NAALADL2: variants seen among roughly 807,000 people sequenced by gnomAD.
The protein encoded by NAALADL2 is N-acetylated alpha-linked acidic dipeptidase like 2.
A neutral mutation model predicts 87.2 loss-of-function variants in NAALADL2; 76 were observed. The ratio of observed to expected loss-of-function variants is 0.87; its 90% CI spans 0.72 to 1.05. NAALADL2 has a LOEUF of 1.05. NAALADL2 is among the 50% of genes least tolerant of loss of function. The pLI, the probability that NAALADL2 is intolerant of heterozygous loss-of-function variation, is 0.00. For missense variants in NAALADL2, 1,089 were observed against 945.8 expected, an observed-to-expected ratio of 1.15 and a Z score of -1.99; for synonymous variants, 354 against 331.0, an observed-to-expected ratio of 1.07 and a Z score of -0.75.
intron 2 of NAALADL2, among the ~76,000 whole-genome samples, chr3:175,221,318 C>G (rs1296604019): frequency 6.6e-6 from 1 of 150,432 alleles, no homozygotes; most frequent in Non-Finnish European, 1.5e-5. Flanking sequence ...TTATTTCTTT[C>G]TAACTTAATT....
chr3:175,549,429 C>T (rs1713969696), intron 9 of NAALADL2, among the ~76,000 whole-genome samples: 1 of 151,928 alleles, frequency 6.6e-6, no homozygotes, highest in East Asian at 1.9e-4. Context: ...TTATTTTGGT[C>T]TATATGAATC....
rs1406167359 is a variant in NAALADL2 at position 175,410,503 on chromosome 3, T to TG, written c.1091-36724dup. ...TACTGATTTATTCCACAGATGTTTA[T>TG]GGAGGACTTACTCATGCCAGGCATT... On this transcript the variant is annotated intron_variant, in intron 5 of 13. Transcript: ENST00000454872. Among the ~76,000 whole-genome samples, 8 of 152,200 alleles carry TG rather than the reference T, an allele frequency of 5.3e-5. No individual in the cohort carries two copies. The East Asian group carries it at 1.5e-3, about 29-fold the overall frequency.
At chr3:175,196,554 G>C (rs993325368) in intron 2 of NAALADL2, among the ~76,000 whole-genome samples, 33 of 151,880 alleles carry the variant, frequency 2.2e-4, no homozygotes, top group Non-Finnish European at 4.3e-4. Flanking sequence ...AAATTCTTCA[G>C]CTTTAGACTA....
chr3:175,660,189 C>T (rs1732060104), intron 11 of NAALADL2, among the ~76,000 whole-genome samples: 1 of 152,118 alleles, frequency 6.6e-6, no homozygotes, highest in South Asian at 2.1e-4. Context: ...AAAGTCCCCA[C>T]CTCTTGATAC....
chr3:175,220,931 C>G (rs1052814398), intron 2 of NAALADL2, among the ~76,000 whole-genome samples: 5 of 152,234 alleles, frequency 3.3e-5, no homozygotes, highest in Non-Finnish European at 7.4e-5. Context: ...CGTGGTGGCT[C>G]AAGCCTGTAA....
chr3:175,137,622 T>C (rs1729312957), intron 2 of NAALADL2, among the ~76,000 whole-genome samples: 1 of 128,722 alleles, frequency 7.8e-6, no homozygotes, highest in Non-Finnish European at 1.7e-5. Flanking sequence ...TTTTTTTTTT[T>C]TGAGACAGAG....
At chr3:174,540,938 A>G (rs1315377987) in intron 1 of NAALADL2, among the ~76,000 whole-genome samples, 1 of 152,106 alleles carries the variant, frequency 6.6e-6, no homozygotes, top group Non-Finnish European at 1.5e-5. Context: ...GCAACTATGT[A>G]CCTTTTGCCA....
chr3:175,278,200 A>G (rs62285947), intron 4 of NAALADL2, among the ~76,000 whole-genome samples: 28,221 of 152,156 alleles, frequency 0.19, 3,276 homozygotes, highest in Non-Finnish European at 0.26. Flanking sequence ...TACATGATAA[A>G]TTCATAAAGG....
intron 10 of NAALADL2, among the ~76,000 whole-genome samples, chr3:175,611,359 T>C (rs1311969612): frequency 1.3e-5 from 2 of 152,194 alleles, no homozygotes; most frequent in Admixed American, 6.5e-5. Context: ...ATTTGTAAAA[T>C]ATTGGTCATA....
chr3:174,477,470 A>G (rs991199608), intron 1 of NAALADL2, among the ~76,000 whole-genome samples: 8 of 152,148 alleles, frequency 5.3e-5, no homozygotes, highest in African/African-American at 1.9e-4. Flanking sequence ...GCCACTTGCT[A>G]TAGGTGTACA....
intron 13 of NAALADL2, among the ~76,000 whole-genome samples, chr3:175,787,282 T>A (rs1305887802): frequency 6.6e-6 from 1 of 151,540 alleles, no homozygotes; most frequent in Admixed American, 6.6e-5. Flanking sequence ...TAATCAAGCC[T>A]GGGCAATGGC....
chr3:174,959,710 G>A (rs1741701007), intron 1 of NAALADL2, among the ~76,000 whole-genome samples: 1 of 152,082 alleles, frequency 6.6e-6, no homozygotes, highest in Admixed American at 6.6e-5. Context: ...CATTGAGAAT[G>A]AAGAGTCTAA....
chr3:175,552,900 A>G (rs941623837), intron 9 of NAALADL2, among the ~76,000 whole-genome samples: 1 of 152,180 alleles, frequency 6.6e-6, no homozygotes, highest in African/African-American at 2.4e-5. Context: ...TTAAGTGATT[A>G]TATTTTAAGA....
At chr3:174,899,729 CAATAT>C (rs896868938) in intron 1 of NAALADL2, among the ~76,000 whole-genome samples, 5 of 151,976 alleles carry the variant, frequency 3.3e-5, no homozygotes, top group African/African-American at 1.2e-4. Flanking sequence ...TGGCCTAACA[CAATAT>C]AATATAATTT....
In NAALADL2 at chr3:175,394,601, T is replaced by A. The variant is rs112393261; in HGVS notation, c.1091-52628T>A. On this transcript the variant is annotated intron_variant, in intron 5 of 13. Coordinates refer to ENST00000454872, the MANE Select transcript of NAALADL2 (RefSeq NM_207015.3). ...AACAGAAACTAGATTTAGACACAAA[T>A]CTGTAAACTGACAGTTGTGTTTTTT... Among the ~76,000 whole-genome samples the A allele has an allele frequency of 9.2e-5, 14 of 152,278 alleles. 1 individual carries two copies. The highest frequency in any genetic ancestry group is 3.4e-4 in the African/African-American group (14 of 41,546).
intron 1 of NAALADL2, among the ~76,000 whole-genome samples, chr3:175,019,694 G>A (rs1290680650): frequency 1.3e-5 from 2 of 151,998 alleles, no homozygotes; most frequent in Non-Finnish European, 2.9e-5. Context: ...ATGCCGTTAA[G>A]CAGTTGCTGA....
chr3:174,795,827 C>A (rs1006761160), intron 3 of NAALADL2, among the ~76,000 whole-genome samples: 8 of 152,150 alleles, frequency 5.3e-5, no homozygotes, highest in African/African-American at 1.9e-4. Flanking sequence ...ATTTGCATAT[C>A]TTCTGTAGAG....
intron 13 of NAALADL2, among the ~76,000 whole-genome samples, chr3:175,780,003 T>C (rs1238345875): frequency 6.6e-6 from 1 of 151,902 alleles, no homozygotes; most frequent in Non-Finnish European, 1.5e-5. Flanking sequence ...GCGCGGTGGC[T>C]CACGCCTGTA....
chr3:175,755,562 C>G (rs1040884524), intron 13 of NAALADL2, 144 bp downstream of exon 13: 2 of 526,342 alleles, frequency 3.8e-6, no homozygotes, highest in Admixed American at 8.4e-5. Context: ...CTTCCCCCTC[C>G]CCCAAAGAAA....
Sources: gnomAD v4.1 joint callset for allele counts (sites outside exome capture counted in the v4.1 genomes callset) on GRCh38, gnomAD v4.1.1 for gene constraint, MANE v1.5 for transcripts, NCBI Gene and HGNC (gene_info 2026-07-23, HGNC 2026-07-21) for gene names.